Variants in GAL3ST2 observed in about 807,000 individuals in gnomAD.
The protein encoded by GAL3ST2 is beta-galactose-3-O-sulfotransferase 2.
In GAL3ST2, 16 loss-of-function variants were observed where a neutral mutation model predicts 12.9. That is an observed-to-expected ratio of 1.24 (90% CI 0.84 to 1.88). The LOEUF (loss-of-function observed/expected upper bound fraction) is 1.88, where lower values mean the gene tolerates loss of function less well. Ranked by LOEUF, GAL3ST2 falls within the 40% of genes most tolerant of loss-of-function variation. The pLI, the probability that GAL3ST2 is intolerant of heterozygous loss-of-function variation, is 0.00. For missense variants in GAL3ST2, 639 were observed against 571.8 expected (o/e 1.12, Z -1.20); for synonymous variants, 302 against 273.9 (o/e 1.10, Z -1.01).
In GAL3ST2 at chr2:241,802,141, G is replaced by C. The variant is rs1208761476; in HGVS notation, c.375+105G>C. On this transcript the variant is annotated intron_variant, in intron 3 of 3. Transcript: ENST00000192314. The surrounding 1 kb of genome is among the most constrained non-coding windows in gnomAD (Gnocchi z 4.8). ...TGGAGAGAAGGAGTGTAAGGCTTGG[G>C]GGCGGGGCGTGCAGAAGGCGGGTTG... The C allele has an allele frequency of 1.4e-6, 2 of 1,392,990 alleles. No homozygotes were observed. The highest frequency in any genetic ancestry group is 1.9e-6 in the Non-Finnish European group (2 of 1,039,864). The allele number at this position is 1,392,990 out of a possible 1,614,324, so 86.3% of individuals were successfully genotyped here.
rs1006637263 is a variant in GAL3ST2 at position 241,803,735 on chromosome 2, C to T, written c.766C>T (p.Arg256Cys). The change falls in exon 4 of 4, where the codon CGC (arginine) becomes TGC (cysteine). Residue 256 changes from arginine to cysteine, a missense_variant. By Grantham distance (180) the Arg-to-Cys change is radical (BLOSUM62 -3). Transcript: ENST00000192314. ...DDVVAFRLNSRSARSVARLSP... is the reference protein window; with the variant it reads ...DDVVAFRLNSCSARSVARLSP... ...CGTGGTGGCCTTCAGGCTCAACTCC[C>T]GCAGCGCGCGCTCCGTGGCCCGCCT... 20 of 1,530,006 alleles carry T rather than the reference C, an allele frequency of 1.3e-5. No individual in the cohort carries two copies. The highest frequency in any genetic ancestry group is 1.9e-4 in the Middle Eastern group (1 of 5,188). 94.8% of individuals were successfully genotyped at this position (1,530,006 alleles called of 1,614,324 possible).
Position 241,802,633 on chromosome 2 carries a change from G to A in GAL3ST2, c.375+597G>A, listed in dbSNP as rs113543697. Among the ~76,000 whole-genome samples the A allele has an allele frequency of 2.1e-4, 32 of 150,400 alleles. No homozygotes were observed. Among genetic ancestry groups the A allele is most frequent in the African/African-American group, 6.9e-4 (28 of 40,534 alleles). On this transcript the variant is annotated intron_variant, in intron 3 of 3. Coordinates refer to ENST00000192314, the MANE Select transcript of GAL3ST2 (RefSeq NM_022134.3). This position sits in a 1 kb window ranked among gnomAD's most constrained non-coding sequence, Gnocchi z 4.8. The stretch of plus-strand genomic sequence containing the variant: ...GGGTGTGCTGTGGGGTGGGGGCTGC[G>A]GGGCAGAGGGAGGAGGAGGGGCCGG...
rs537109339 is a variant in GAL3ST2, at chr2:241,803,611, C to T, written c.642C>T (p.Ile214=). Residue 214 remains isoleucine, a synonymous_variant, in exon 4 of 4, where the codon ATC becomes ATT. Transcript: ENST00000192314. ...AGGAGGGCTACGTGCGCGCGCGCAT[C>T]GCCGAGGTGGAGCGGCGCTTCCGGC... ...QCEEGYVRAR[I]AEVERRFRLV... The T allele has an allele frequency of 1.9e-6, 3 of 1,563,504 alleles. No individual in the cohort carries two copies. In the Admixed American group the frequency reaches 5.7e-5, roughly 30 times the overall value.
rs1268480042 is a variant in GAL3ST2 at position 241,801,958 on chromosome 2, G to A, written c.297G>A (p.Leu99=). 2 of 1,612,892 alleles carry A rather than the reference G, an allele frequency of 1.2e-6. No homozygotes were observed. The highest frequency in any genetic ancestry group is 1.3e-5 in the African/African-American group (1 of 74,930). ...RVHLGYPWLF[L]ARYVEGVGSQ... ...ACCTGGGCTACCCCTGGCTCTTCCT[G>A]GCGCGCTACGTGGAAGGCGTGGGGT... is the stretch of plus-strand genomic sequence containing the variant. The change falls in exon 3 of 4, where the codon CTG becomes CTA. Residue 99 remains leucine, a synonymous_variant. Transcript: ENST00000192314. The surrounding 1 kb of genome is among the most constrained non-coding windows in gnomAD (Gnocchi z 4.4).
In GAL3ST2 at chr2:241,804,250, G is replaced by A. The variant is rs1699906359; in HGVS notation, c.*84G>A. On this transcript the variant is annotated 3_prime_UTR_variant, in exon 4 of 4. Transcript: ENST00000192314. ...CGGGGAGGCCGGGGATCCTTGCAGG[G>A]CTTCTGGGGCGTTGGGAAACCCAGG... is the stretch of plus-strand genomic sequence containing the variant. 1 of 1,205,580 alleles carries A rather than the reference G, an allele frequency of 8.3e-7. No homozygotes were observed. The allele number at this position is 1,205,580 out of a possible 1,614,324, so 74.7% of individuals were successfully genotyped here.
At chr2:241,777,847 G>C (rs1196628875) in intron 1 of GAL3ST2, among the ~76,000 whole-genome samples, 1 of 152,160 alleles carries the variant, frequency 6.6e-6, no homozygotes, top group African/African-American at 2.4e-5. Context: ...TTGATTAGCT[G>C]GTGGCCAAGC....
At chr2:241,788,384 G>A (rs1699652657) in intron 1 of GAL3ST2, among the ~76,000 whole-genome samples, 1 of 152,000 alleles carries the variant, frequency 6.6e-6, no homozygotes, top group African/African-American at 2.4e-5. Context: ...GGTCTTGGCT[G>A]TATTTTTTTT....
At chr2:241,792,977 C>G (rs1421221585) in intron 1 of GAL3ST2, among the ~76,000 whole-genome samples, 2 of 152,164 alleles carry the variant, frequency 1.3e-5, no homozygotes, top group Non-Finnish European at 2.9e-5. Context: ...AGTCCCCTCC[C>G]CACTTGGAGT....
rs772071650 is a variant in GAL3ST2, at chr2:241,804,179, G to A, written c.*13G>A. The stretch of plus-strand genomic sequence containing the variant: ...CCTGGGGGCGTAGAGGGGCCGGGCC[G>A]GGGACGAGGCCTCCTGCGGACACCA... On this transcript the variant is annotated 3_prime_UTR_variant, in exon 4 of 4. Coordinates refer to ENST00000192314, the MANE Select transcript of GAL3ST2 (RefSeq NM_022134.3). 11 of 1,410,140 alleles carry A rather than the reference G, an allele frequency of 7.8e-6. No individual in the cohort carries two copies. The highest frequency in any genetic ancestry group is 3.0e-5 in the East Asian group (1 of 33,108). 87.4% of individuals were successfully genotyped at this position (1,410,140 alleles called of 1,614,324 possible).
At chr2:241,803,239 G>C in intron 3 of GAL3ST2, 106 bp from the exon 4 acceptor site, 4 of 880,004 alleles carry the variant, frequency 4.5e-6, no homozygotes, top group Non-Finnish European at 6.8e-6. Context: ...ATGTGAGGAT[G>C]GGGGTGCTCC....
chr2:241,786,192 G>T (rs1412936012), intron 1 of GAL3ST2, among the ~76,000 whole-genome samples: 2 of 150,068 alleles, frequency 1.3e-5, no homozygotes, highest in African/African-American at 5.0e-5. Flanking sequence ...TTAACCATCT[G>T]AGAGGTCTTG....
chr2:241,776,928 G>C lies in GAL3ST2; in HGVS notation c.-28G>C. ...CCTCGGGGGAGCTCAAGCCTCGACT[G>C]TCCCCTCGCTGGAGGCCAGAGGCCA... On this transcript the variant is annotated 5_prime_UTR_variant, in exon 1 of 4. Transcript: ENST00000192314. 1 of 1,519,780 alleles carries C rather than the reference G, an allele frequency of 6.6e-7. No individual in the cohort carries two copies. The highest frequency in any genetic ancestry group is 8.9e-7 in the Non-Finnish European group (1 of 1,127,488). 94.1% of individuals were successfully genotyped at this position (1,519,780 alleles called of 1,614,324 possible).
rs62648954 is a variant in GAL3ST2 at position 241,793,577 on chromosome 2, A to G, written c.30-5488A>G. Among the ~76,000 whole-genome samples the G allele has an allele frequency of 0.25, 38,093 of 151,272 alleles. 6,078 individuals carry two copies. Among genetic ancestry groups the G allele is most frequent in the African/African-American group, 0.45 (18,784 of 41,284 alleles). On this transcript the variant is annotated intron_variant, in intron 1 of 3. Transcript: ENST00000192314. This position sits in a 1 kb window ranked among gnomAD's most constrained non-coding sequence, Gnocchi z 4.7. The stretch of plus-strand genomic sequence containing the variant: ...TATGTATGTGTATATGTGTGCGTAT[A>G]TGTGTATGTATGTATATGTGTATAT...
intron 1 of GAL3ST2, among the ~76,000 whole-genome samples, chr2:241,789,973 C>T (rs1411224782): frequency 9.6e-6 from 1 of 104,494 alleles, no homozygotes; most frequent in Non-Finnish European, 1.8e-5. Context: ...ATGGAAAACT[C>T]CTATAATTCT....
intron 1 of GAL3ST2, among the ~76,000 whole-genome samples, chr2:241,794,500 T>TG (rs1042769610): frequency 4.6e-5 from 7 of 152,218 alleles, no homozygotes; most frequent in Non-Finnish European, 7.3e-5. Flanking sequence ...TGTCTGGGGC[T>TG]GGTGCACTGT....
chr2:241,802,092 G>A lies in GAL3ST2; in HGVS notation c.375+56G>A, dbSNP rs1375081939. 6.5e-7 allele frequency: 1 copy of A among 1,543,436 alleles called. No individual in the cohort carries two copies. Among genetic ancestry groups the A allele is most frequent in the African/African-American group, 1.4e-5 (1 of 73,496 alleles). ...GCTGCAGCCGTGCCTGTGGCTGTGG[G>A]TCTGGGTGGTGTAGCCTGGAGGCTG... On this transcript the variant is annotated intron_variant, in intron 3 of 3. Transcript: ENST00000192314. This position sits in a 1 kb window ranked among gnomAD's most constrained non-coding sequence, Gnocchi z 4.8.
intron 3 of GAL3ST2, 91 bp from the exon 4 acceptor site, chr2:241,803,254 G>A: frequency 9.8e-7 from 1 of 1,017,492 alleles, no homozygotes. Context: ...TGCTCCTTGA[G>A]CGGGTGTGGC....
At chr2:241,786,693 G>T (rs1321958656) in intron 1 of GAL3ST2, among the ~76,000 whole-genome samples, 3 of 152,052 alleles carry the variant, frequency 2.0e-5, no homozygotes. Flanking sequence ...TTTGGAGGGG[G>T]TGCTCCCAGA....
intron 1 of GAL3ST2, among the ~76,000 whole-genome samples, chr2:241,780,601 A>G (rs942532720): frequency 6.6e-6 from 1 of 152,206 alleles, no homozygotes; most frequent in African/African-American, 2.4e-5. Flanking sequence ...TCATGGTAGG[A>G]CTGGTTTGCT....
Sources: allele counts gnomAD v4.1 joint callset (sites outside exome capture counted in the v4.1 genomes callset), GRCh38; gene constraint gnomAD v4.1.1; non-coding constraint Gnocchi (gnomAD v3.1); transcripts MANE v1.5; gene names NCBI Gene and HGNC (gene_info 2026-07-23, HGNC 2026-07-21).